Variants in FAM219A observed in about 807,000 individuals in gnomAD.
FAM219A encodes the protein family with sequence similarity 219 member A.
Under a neutral mutation model 23.4 loss-of-function variants are expected in FAM219A, and 7 were observed. The ratio of observed to expected loss-of-function variants is 0.30; its 90% CI spans 0.17 to 0.56. The LOEUF is 0.56. FAM219A is among the 20% of genes least tolerant of loss of function. The pLI is 0.92. For synonymous variants in FAM219A, 93 were observed against 99.0 expected, an observed-to-expected ratio of 0.94 and a Z score of 0.36; for missense variants, 166 against 246.9, an observed-to-expected ratio of 0.67 and a Z score of 2.20.
intron 1 of FAM219A, among the ~76,000 whole-genome samples, chr9:34,426,532 G>A (rs1454620011): frequency 1.3e-5 from 2 of 152,170 alleles, no homozygotes; most frequent in Non-Finnish European, 2.9e-5. Context: ...GATGTTATCG[G>A]CCTCACAGTG....
At chr9:34,421,902 A>G (rs138263326) in intron 1 of FAM219A, among the ~76,000 whole-genome samples, 37 of 152,330 alleles carry the variant, frequency 2.4e-4, no homozygotes, top group Non-Finnish European at 4.4e-4. Context: ...AGCATTTCAT[A>G]TTAGCTCCCA....
chr9:34,454,671 T>C (rs1823670379), intron 1 of FAM219A, among the ~76,000 whole-genome samples: 1 of 152,168 alleles, frequency 6.6e-6, no homozygotes, highest in Non-Finnish European at 1.5e-5. Flanking sequence ...TTCCTCCCAC[T>C]AGCTGAGATC....
intron 1 of FAM219A, among the ~76,000 whole-genome samples, chr9:34,423,961 T>G (rs1337744534): frequency 6.6e-6 from 1 of 152,146 alleles, no homozygotes; most frequent in Admixed American, 6.5e-5. Flanking sequence ...CTTGTGGTTT[T>G]GTTTTGTGTG....
At position 34,448,993 on chromosome 9, in the gene FAM219A, G is replaced by GAAAA. The variant is rs577911130; in HGVS notation, c.60+9210_60+9211insTTTT. Reference sequence around the variant, plus strand: ...AACCACCTGTTCCCCAAAAACTATCGGAAAAAAAAAAAAAACCTCAGCCAT... The same window carrying GAAAA: ...AACCACCTGTTCCCCAAAAACTATCGAAAAGAAAAAAAAAAAAAACCTCAGCCAT... On this transcript the variant is annotated intron_variant, in intron 1 of 5. Transcript: ENST00000651358. Among the ~76,000 whole-genome samples the GAAAA allele has an allele frequency of 3.8e-3, 418 of 110,078 alleles. 6 individuals are homozygous for GAAAA. The highest frequency in any genetic ancestry group is 0.015 in the African/African-American group (397 of 26,746). The allele number at this position is 110,078 out of a possible 152,430, so 72.2% of individuals were successfully genotyped here. A position where few individuals can be genotyped will look rare whatever the true frequency, so the allele number is the denominator to read the frequency against.
At chr9:34,440,929 G>GCCTGAT (rs1404975889) in intron 1 of FAM219A, among the ~76,000 whole-genome samples, 2 of 152,080 alleles carry the variant, frequency 1.3e-5, no homozygotes, top group African/African-American at 4.8e-5. Context: ...CTATTCACAG[G>GCCTGAT]CCTGATCGTA....
rs1391496900 is a variant in FAM219A, at chr9:34,400,734, C to T, written c.*230G>A. Reference sequence around the variant, plus strand: ...CAGGTAACTGAACAAACGGCCCCCACCCCTCCTCAGCTCCCGGGTGGAGAG... The same window carrying T: ...CAGGTAACTGAACAAACGGCCCCCATCCCTCCTCAGCTCCCGGGTGGAGAG... On this transcript the variant is annotated 3_prime_UTR_variant, in exon 6 of 6. Coordinates refer to ENST00000651358, the MANE Select transcript of FAM219A (RefSeq NM_001184940.2). 3 of 430,518 alleles carry T rather than the reference C, an allele frequency of 7.0e-6. No individual in the cohort carries two copies. The highest frequency in any genetic ancestry group is 1.2e-5 in the Non-Finnish European group (3 of 247,604). The allele number at this position is 430,518 out of a possible 1,614,324, so 26.7% of individuals were successfully genotyped here.
intron 1 of FAM219A, among the ~76,000 whole-genome samples, chr9:34,433,754 T>C (rs1024465621): frequency 6.6e-6 from 1 of 152,174 alleles, no homozygotes; most frequent in Non-Finnish European, 1.5e-5. Flanking sequence ...ACTGTATCAT[T>C]TTAAGCCATT....
chr9:34,418,089 A>C (rs923546097), intron 1 of FAM219A, among the ~76,000 whole-genome samples: 3 of 152,164 alleles, frequency 2.0e-5, no homozygotes, highest in African/African-American at 7.2e-5. Context: ...GAGTTACCCC[A>C]GCTAGGGCAG....
At chr9:34,408,406 A>T (rs2131936831) in intron 1 of FAM219A, among the ~76,000 whole-genome samples, 1 of 152,300 alleles carries the variant, frequency 6.6e-6, no homozygotes, top group Non-Finnish European at 1.5e-5. Flanking sequence ...AGCCCCAGAG[A>T]CTGCTCACTG....
At chr9:34,408,555 C>G (rs578198499) in intron 1 of FAM219A, among the ~76,000 whole-genome samples, 1 of 152,230 alleles carries the variant, frequency 6.6e-6, no homozygotes, top group African/African-American at 2.4e-5. Context: ...TCACATGTCA[C>G]ATATACCACA....
chr9:34,422,719 G>A (rs1447252913), intron 1 of FAM219A, among the ~76,000 whole-genome samples: 1 of 152,188 alleles, frequency 6.6e-6, no homozygotes, highest in Non-Finnish European at 1.5e-5. Context: ...GAAAGAAAAT[G>A]CGTTGGAAAC....
In FAM219A at chr9:34,417,834, C is replaced by T. The variant is rs1181370412; in HGVS notation, c.61-11870G>A. Among the ~76,000 whole-genome samples, 2 of 152,134 alleles carry T rather than the reference C, an allele frequency of 1.3e-5. No individual in the cohort carries two copies. The highest frequency in any genetic ancestry group is 4.8e-5 in the African/African-American group (2 of 41,412). ...GCATCACCTGCCAGACAAAATACTC[C>T]TGACTTGAGGCCACCAATTAAGAAC... On this transcript the variant is annotated intron_variant, in intron 1 of 5. Transcript: ENST00000651358. The surrounding 1 kb of genome is among the most constrained non-coding windows in gnomAD (Gnocchi z 4.1).
intron 2 of FAM219A, among the ~76,000 whole-genome samples, chr9:34,404,033 T>C (rs968793308): frequency 6.6e-6 from 1 of 152,198 alleles, no homozygotes. Context: ...ACTGGGACAA[T>C]GCTGTGAATT....
chr9:34,438,681 G>C (rs10972113), intron 1 of FAM219A, among the ~76,000 whole-genome samples: 1 of 152,124 alleles, frequency 6.6e-6, no homozygotes, highest in African/African-American at 2.4e-5. Flanking sequence ...TCAACACTGC[G>C]TATCTAGCTA....
intron 1 of FAM219A, among the ~76,000 whole-genome samples, chr9:34,418,403 A>G (rs1286232738): frequency 6.6e-6 from 1 of 152,216 alleles, no homozygotes; most frequent in Non-Finnish European, 1.5e-5. Context: ...GATAGGATAA[A>G]TACCTCAACT....
intron 1 of FAM219A, among the ~76,000 whole-genome samples, chr9:34,425,035 A>G (rs1822406350): frequency 6.6e-6 from 1 of 151,998 alleles, no homozygotes. Context: ...CAGACTCCTG[A>G]GCTCAAGCGA....
chr9:34,450,308 C>CA (rs35932974), intron 1 of FAM219A, among the ~76,000 whole-genome samples: 27,489 of 125,454 alleles, frequency 0.22, 2,655 homozygotes, highest in African/African-American at 0.28. Flanking sequence ...GACCCTGTCT[C>CA]AAAAAAAAAA....
chr9:34,439,457 C>G (rs1823078829), intron 1 of FAM219A, among the ~76,000 whole-genome samples: 1 of 152,160 alleles, frequency 6.6e-6, no homozygotes, highest in Non-Finnish European at 1.5e-5. Context: ...TGGTTTCATG[C>G]AACATCCTTC....
chr9:34,434,852 C>T (rs920211374), intron 1 of FAM219A, among the ~76,000 whole-genome samples: 1 of 152,106 alleles, frequency 6.6e-6, no homozygotes, highest in Non-Finnish European at 1.5e-5. Context: ...CAGAGTCTCA[C>T]TCTGTCACCC....
Sources: allele counts gnomAD v4.1 joint callset (sites outside exome capture counted in the v4.1 genomes callset), GRCh38; gene constraint gnomAD v4.1.1; non-coding constraint Gnocchi (gnomAD v3.1); transcripts MANE v1.5; gene names NCBI Gene and HGNC (gene_info 2026-07-23, HGNC 2026-07-21).